Variants in NELL1 observed in about 807,000 individuals in gnomAD.
NELL1 encodes protein kinase C-binding protein NELL1.
In NELL1, 76 loss-of-function variants were observed where a neutral mutation model predicts 107.4. The ratio of observed to expected loss-of-function variants is 0.71; its 90% CI spans 0.59 to 0.86. The LOEUF (loss-of-function observed/expected upper bound fraction) is 0.86. NELL1 is among the 40% of genes least tolerant of loss of function. The pLI is 0.00. For missense variants in NELL1, 1,024 were observed against 1,005.5 expected, an observed-to-expected ratio of 1.02 and a Z score of -0.25; for synonymous variants, 353 against 341.2, an observed-to-expected ratio of 1.03 and a Z score of -0.38.
At chr11:20,989,658 T>C (rs1851928590) in intron 12 of NELL1, among the ~76,000 whole-genome samples, 1 of 152,166 alleles carries the variant, frequency 6.6e-6, no homozygotes, top group Non-Finnish European at 1.5e-5. Flanking sequence ...GACAACATCA[T>C]AGGCAGATTC....
intron 12 of NELL1, among the ~76,000 whole-genome samples, chr11:21,018,585 C>A (rs184819407): frequency 6.6e-6 from 1 of 152,000 alleles, no homozygotes; most frequent in East Asian, 1.9e-4. Context: ...TCAGTCTGGC[C>A]GTTGTCACTG....
intron 17 of NELL1, among the ~76,000 whole-genome samples, chr11:21,562,037 T>C (rs1316606667): frequency 1.3e-5 from 2 of 152,022 alleles, no homozygotes; most frequent in Non-Finnish European, 2.9e-5. Context: ...GATCATTACA[T>C]ATCCTCACAT....
intron 14 of NELL1, among the ~76,000 whole-genome samples, chr11:21,249,924 A>G (rs1858594849): frequency 1.3e-5 from 2 of 152,310 alleles, no homozygotes; most frequent in East Asian, 3.9e-4. Context: ...AAAAGTCTAA[A>G]ATACCCATTG....
intron 14 of NELL1, among the ~76,000 whole-genome samples, chr11:21,306,006 A>G (rs1849597689): frequency 6.6e-6 from 1 of 151,916 alleles, no homozygotes; most frequent in South Asian, 2.1e-4. Flanking sequence ...TCAATTCTGT[A>G]TGCCAATTTG....
At chr11:21,191,015 G>A (rs1857038275) in intron 13 of NELL1, among the ~76,000 whole-genome samples, 1 of 151,824 alleles carries the variant, frequency 6.6e-6, no homozygotes, top group Admixed American at 6.6e-5. Flanking sequence ...GAGCATGGGT[G>A]GGCTTTGGAA....
At chr11:20,837,794 A>G (rs1439897693) in intron 3 of NELL1, among the ~76,000 whole-genome samples, 3 of 152,040 alleles carry the variant, frequency 2.0e-5, no homozygotes, top group Admixed American at 6.6e-5. Context: ...ATGATAACCC[A>G]TGAGTCTACA....
At chr11:21,369,360 CTA>C (rs1202233743) in intron 14 of NELL1, among the ~76,000 whole-genome samples, 1 of 118,140 alleles carries the variant, frequency 8.5e-6, no homozygotes. Flanking sequence ...ATGGTAGGTA[CTA>C]TTTTTTTTTT....
chr11:21,227,435 T>C lies in NELL1; in HGVS notation c.1427-1897T>C, dbSNP rs1053811102. ...CGGTTAGTTACCCCTATTAAAACGT[T>C]CAGGCTAGCAAAGACCATTATCTAC... On this transcript the variant is annotated intron_variant, in intron 13 of 19. Transcript: ENST00000357134. Among the ~76,000 whole-genome samples the C allele has an allele frequency of 2.6e-5, 4 of 152,214 alleles. No individual in the cohort carries two copies. The South Asian group carries it at 8.3e-4, about 32-fold the overall frequency.
intron 14 of NELL1, among the ~76,000 whole-genome samples, chr11:21,234,160 C>G (rs1218107943): frequency 6.6e-6 from 1 of 152,158 alleles, no homozygotes; most frequent in Non-Finnish European, 1.5e-5. Flanking sequence ...AATCCACTGG[C>G]AAACTGGCTA....
At chr11:21,080,911 A>G (rs11025904) in intron 12 of NELL1, among the ~76,000 whole-genome samples, 1,934 of 151,912 alleles carry the variant, frequency 0.013, 47 homozygotes, top group African/African-American at 0.045. Flanking sequence ...ACACACACGC[A>G]CACACACACA....
chr11:20,939,444 G>A (rs957519606), intron 10 of NELL1, among the ~76,000 whole-genome samples: 3 of 151,880 alleles, frequency 2.0e-5, no homozygotes, highest in African/African-American at 4.8e-5. Context: ...CGGGGATCCC[G>A]GCAAGCACAT....
intron 13 of NELL1, among the ~76,000 whole-genome samples, chr11:21,196,241 G>A (rs1008366585): frequency 1.3e-5 from 2 of 152,118 alleles, no homozygotes; most frequent in Admixed American, 6.5e-5. Flanking sequence ...GATATGCCAG[G>A]CACAGTGCTA....
At chr11:21,059,254 AGTTTTGTTTTGTT>A (rs1475665889) in intron 12 of NELL1, among the ~76,000 whole-genome samples, 1 of 120,262 alleles carries the variant, frequency 8.3e-6, no homozygotes, top group Non-Finnish European at 1.7e-5. Flanking sequence ...GCACAGAACA[AGTTTTGTTTTGTT>A]TTTTTTTTTT....
chr11:20,924,901 C>A (rs989891787), intron 7 of NELL1, among the ~76,000 whole-genome samples: 1 of 151,938 alleles, frequency 6.6e-6, no homozygotes, highest in East Asian at 1.9e-4. Context: ...AACCATGGAC[C>A]AACAATACTC....
intron 15 of NELL1, among the ~76,000 whole-genome samples, chr11:21,482,852 A>G (rs1854527822): frequency 6.6e-6 from 1 of 152,012 alleles, no homozygotes; most frequent in Non-Finnish European, 1.5e-5. Flanking sequence ...TTTGTAAATG[A>G]TTAGCATTAA....
chr11:21,041,129 C>T (rs1468064665), intron 12 of NELL1, among the ~76,000 whole-genome samples: 3 of 152,130 alleles, frequency 2.0e-5, no homozygotes, highest in Non-Finnish European at 4.4e-5. Context: ...CATAATTTGA[C>T]ATAGTACAGT....
intron 2 of NELL1, among the ~76,000 whole-genome samples, chr11:20,700,729 A>T (rs187833576): frequency 1.3e-5 from 2 of 152,002 alleles, no homozygotes; most frequent in Admixed American, 6.6e-5. Flanking sequence ...TCATTGTTCA[A>T]TTCCCACCTC....
At chr11:20,819,275 C>A (rs1465758398) in intron 3 of NELL1, among the ~76,000 whole-genome samples, 10 of 152,132 alleles carry the variant, frequency 6.6e-5, no homozygotes, top group Non-Finnish European at 1.5e-4. Context: ...GTCTTGGACC[C>A]CTGAACATAG....
rs188124690 is a variant in NELL1, at chr11:20,916,008, C to T, written c.604-2174C>T. The stretch of plus-strand genomic sequence containing the variant: ...ATAAGTGGTATCTGTAGGGTATCAC[C>T]ACTTTTCTTTTAATCCAGCATTGAC... On this transcript the variant is annotated intron_variant, in intron 5 of 19. Transcript: ENST00000357134. Among the ~76,000 whole-genome samples, 10 of 151,638 alleles carry T rather than the reference C, an allele frequency of 6.6e-5. No homozygotes were observed. In the East Asian group the frequency reaches 1.9e-3, roughly 30 times the overall value.
Sources: gnomAD v4.1 joint callset for allele counts (sites outside exome capture counted in the v4.1 genomes callset) on GRCh38, gnomAD v4.1.1 for gene constraint, MANE v1.5 for transcripts, NCBI Gene and HGNC (gene_info 2026-07-23, HGNC 2026-07-21) for gene names.